The following CHD5 variants were observed in gnomAD, a reference collection of about 807,000 sequenced individuals.
CHD5 encodes ATP-dependent chromatin remodeler CHD5.
CHD5 carries 69 observed loss-of-function variants against 230.3 expected under a neutral mutation model. The observed-to-expected ratio is 0.30, with a 90% CI of 0.25 to 0.37. CHD5 has a LOEUF of 0.37. Among genes scored for constraint, CHD5 ranks in the 10% least tolerant of loss-of-function variants. CHD5 has a pLI of 1.00. For missense variants in CHD5, 1,827 were observed against 2,622.8 expected (o/e 0.70, Z 6.63); for synonymous variants, 1,064 against 1,065.9 (o/e 1.00, Z 0.03).
intron 1 of CHD5, among the ~76,000 whole-genome samples, chr1:6,179,554 C>T (rs1667480023): frequency 6.6e-6 from 1 of 151,428 alleles, no homozygotes; most frequent in Admixed American, 6.6e-5. Context: ...AGGCGCACGG[C>T]GGCGGGACGC....
Position 6,121,409 on chromosome 1 carries a change from C to T in CHD5, c.4779+85G>A, listed in dbSNP as rs1408587515. On this transcript the variant is annotated intron_variant, in intron 32 of 41. Transcript: ENST00000262450. This position sits in a 1 kb window ranked among gnomAD's most constrained non-coding sequence, Gnocchi z 4.5. Reference sequence around the variant, plus strand: ...GGGAGCCAGGAGGCCTGGGTTCCACCTCGCTGTACAGGGCCTGAGAAGGTC... The same window carrying T: ...GGGAGCCAGGAGGCCTGGGTTCCACTTCGCTGTACAGGGCCTGAGAAGGTC... The T allele has an allele frequency of 1.3e-6, 2 of 1,487,850 alleles. No individual in the cohort carries two copies. The highest frequency in any genetic ancestry group is 2.8e-5 in the African/African-American group (2 of 72,230). The allele number at this position is 1,487,850 out of a possible 1,614,324, so 92.2% of individuals were successfully genotyped here.
chr1:6,130,398 G>A lies in CHD5; in HGVS notation c.3263-70C>T. 7.3e-7 allele frequency: 1 copy of A among 1,361,350 alleles called. No homozygotes were observed. Among genetic ancestry groups the A allele is most frequent in the East Asian group, 2.3e-5 (1 of 42,948 alleles). The allele number at this position is 1,361,350 out of a possible 1,614,324, so 84.3% of individuals were successfully genotyped here. ...CCTTGGGTGGGCAGAAAGGATGGGG[G>A]AGAGAACAGAGAGAAGGAACTGCAG... On this transcript the variant is annotated intron_variant, in intron 21 of 41. Coordinates refer to ENST00000262450, the MANE Select transcript of CHD5 (RefSeq NM_015557.3). This position sits in a 1 kb window ranked among gnomAD's most constrained non-coding sequence, Gnocchi z 4.9.
At chr1:6,168,784 T>G (rs1667291941) in intron 1 of CHD5, among the ~76,000 whole-genome samples, 1 of 152,090 alleles carries the variant, frequency 6.6e-6, no homozygotes, top group Non-Finnish European at 1.5e-5. Context: ...TTTGGGAGGC[T>G]GAGGCGAGCA....
Position 6,154,760 on chromosome 1 carries a change from C to T in CHD5, c.645G>A (p.Ala215=), listed in dbSNP as rs146685330. The T allele has an allele frequency of 4.8e-5, 77 of 1,612,060 alleles. No homozygotes were observed. The highest frequency in any genetic ancestry group is 7.7e-5 in the South Asian group (7 of 90,992). Residue 215 remains alanine, a synonymous_variant, in exon 5 of 42, where the codon GCG becomes GCA. Transcript: ENST00000262450. This position sits in a 1 kb window ranked among gnomAD's most constrained non-coding sequence, Gnocchi z 7.0. ...SAAAAAAAVA[A]AVETVTISPP... ...GGGAGATGGTGACCGTCTCTACAGC[C>T]GCAGCCACCGCCGCCGCCGCTGCTG...
chr1:6,115,909 T>C (rs1052705466), intron 33 of CHD5, among the ~76,000 whole-genome samples: 1 of 152,004 alleles, frequency 6.6e-6, no homozygotes, highest in African/African-American at 2.4e-5. Context: ...ATAATACAAC[T>C]GGGAAGGTTT....
chr1:6,137,331 T>G (rs1194148977), intron 15 of CHD5, among the ~76,000 whole-genome samples: 1 of 152,218 alleles, frequency 6.6e-6, no homozygotes, highest in Non-Finnish European at 1.5e-5. Flanking sequence ...GGTCTCAAAC[T>G]TCTGAACTCA....
chr1:6,117,716 T>G (rs1227211664), intron 33 of CHD5, among the ~76,000 whole-genome samples: 1 of 152,092 alleles, frequency 6.6e-6, no homozygotes, highest in South Asian at 2.1e-4. Context: ...CAAAGTAAAC[T>G]CAAATCAAAA....
At chr1:6,164,339 T>A (rs1571170093) in intron 2 of CHD5, among the ~76,000 whole-genome samples, 1 of 152,352 alleles carries the variant, frequency 6.6e-6, no homozygotes, top group South Asian at 2.1e-4. Context: ...ACGAGTGTTA[T>A]AAACAGTTAT....
At chr1:6,158,950 T>C (rs1250493210) in intron 3 of CHD5, among the ~76,000 whole-genome samples, 3 of 112,624 alleles carry the variant, frequency 2.7e-5, no homozygotes, top group East Asian at 5.0e-4. Flanking sequence ...AAGCTTGCAG[T>C]GAGCCGAGAT....
At chr1:6,145,882 T>G (rs931187148) in intron 11 of CHD5, among the ~76,000 whole-genome samples, 1 of 152,146 alleles carries the variant, frequency 6.6e-6, no homozygotes, top group African/African-American at 2.4e-5. Flanking sequence ...GTGGACATAC[T>G]CCCACACCTC....
intron 1 of CHD5, among the ~76,000 whole-genome samples, chr1:6,169,890 A>G (rs546733427): frequency 6.6e-6 from 1 of 152,026 alleles, no homozygotes; most frequent in Admixed American, 6.5e-5. Flanking sequence ...ACCCTCTGCC[A>G]TGGACACCCC....
rs1666174115 is a variant in CHD5, at chr1:6,106,686, C to T, written c.5672G>A (p.Arg1891Gln). The change falls in exon 39 of 42, where the codon CGG becomes CAG. Residue 1891 changes from arginine (R) to glutamine (Q), a missense_variant. Around this residue, in one of 14 missense-constraint regions of CHD5, gnomAD observed 208 missense variants for 302.0 expected, o/e 0.69. Transcript: ENST00000262450. The part of the protein sequence containing the change: ...MLSRIPPVAA[R>Q]LQMSERSILS... Reference sequence around the variant, plus strand: ...GATGCTGCGCTCCGACATCTGCAGCCGGGCGGCCACCGGGGGGATGCGGGA... The same window carrying T: ...GATGCTGCGCTCCGACATCTGCAGCTGGGCGGCCACCGGGGGGATGCGGGA... The T allele has an allele frequency of 1.9e-6, 3 of 1,611,192 alleles. No individual in the cohort carries two copies. The highest frequency in any genetic ancestry group is 1.7e-6 in the Non-Finnish European group (2 of 1,179,458).
intron 1 of CHD5, among the ~76,000 whole-genome samples, chr1:6,174,218 C>T (rs1667383608): frequency 6.6e-6 from 1 of 151,838 alleles, no homozygotes; most frequent in African/African-American, 2.4e-5. Flanking sequence ...CGAAAACTGA[C>T]AGATATGGGG....
chr1:6,125,744 G>C lies in CHD5; in HGVS notation c.4171+22C>G. On this transcript the variant is annotated intron_variant, in intron 27 of 41. Transcript: ENST00000262450. The surrounding 1 kb of genome is among the most constrained non-coding windows in gnomAD (Gnocchi z 6.7). ...CTGACATGGCCTCAGCAGTAGCCCA[G>C]ACCACTAACACTGAGACTCACTCTG... 6.2e-7 allele frequency: 1 copy of C among 1,603,874 alleles called. No individual in the cohort carries two copies. The highest frequency in any genetic ancestry group is 8.5e-7 in the Non-Finnish European group (1 of 1,170,774).
At chr1:6,161,861 G>T (rs1392110874) in intron 2 of CHD5, among the ~76,000 whole-genome samples, 1 of 152,190 alleles carries the variant, frequency 6.6e-6, no homozygotes, top group Non-Finnish European at 1.5e-5. Flanking sequence ...AAGGGGCCCT[G>T]GGTGGCCTTC....
chr1:6,133,535 C>A (rs1253495268), intron 20 of CHD5, among the ~76,000 whole-genome samples: 1 of 152,264 alleles, frequency 6.6e-6, no homozygotes, highest in Non-Finnish European at 1.5e-5. Flanking sequence ...AGGATCATCA[C>A]TGTGGCCTCC....
rs1406109292 is a variant in CHD5, at chr1:6,130,446, G to A, written c.3263-118C>T. 28 of 964,450 alleles carry A rather than the reference G, an allele frequency of 2.9e-5. No homozygotes were observed. Among genetic ancestry groups the A allele is most frequent in the Non-Finnish European group, 3.8e-5 (25 of 650,584 alleles). The allele number at this position is 964,450 out of a possible 1,614,324, so 59.7% of individuals were successfully genotyped here. On this transcript the variant is annotated intron_variant, in intron 21 of 41. Coordinates refer to ENST00000262450, the MANE Select transcript of CHD5 (RefSeq NM_015557.3). This position sits in a 1 kb window ranked among gnomAD's most constrained non-coding sequence, Gnocchi z 4.9. Reference sequence around the variant, plus strand: ...CAGCAACAGATCCCTGGCAGAGAAGGACAAAGCCGGAGACCCCATCAGAGA... The same window carrying A: ...CAGCAACAGATCCCTGGCAGAGAAGAACAAAGCCGGAGACCCCATCAGAGA...
intron 2 of CHD5, among the ~76,000 whole-genome samples, chr1:6,162,255 A>G (rs1476470088): frequency 6.6e-6 from 1 of 152,076 alleles, no homozygotes; most frequent in African/African-American, 2.4e-5. Flanking sequence ...GCATGGTGGT[A>G]CATGCCTGCA....
chr1:6,170,835 G>A (rs1198369145), intron 1 of CHD5, among the ~76,000 whole-genome samples: 2 of 152,230 alleles, frequency 1.3e-5, no homozygotes, highest in East Asian at 1.9e-4. Flanking sequence ...AGCAGGTGTC[G>A]GTGGGGCAGT....
Sources: gnomAD v4.1 joint callset for allele counts (sites outside exome capture counted in the v4.1 genomes callset) on GRCh38, gnomAD v4.1.1 for gene constraint, gnomAD v4.1.1 regional missense constraint, Gnocchi (gnomAD v3.1) non-coding constraint, MANE v1.5 for transcripts, NCBI Gene and HGNC (gene_info 2026-07-23, HGNC 2026-07-21) for gene names.